The following GNAS-AS1 variants were observed in gnomAD, a reference collection of about 807,000 sequenced individuals.
The protein encoded by GNAS-AS1 is GNAS antisense RNA 1.
At chr20:58,828,951 C>T (rs1379697334) in intron 4 of GNAS-AS1, among the ~76,000 whole-genome samples, 9 of 138,640 alleles carry the variant, frequency 6.5e-5, no homozygotes, top group Non-Finnish European at 1.4e-4. Flanking sequence ...TGGCAGAGCT[C>T]CTGGCCCCAC....
chr20:58,839,321 A>T (rs535998815), intron 4 of GNAS-AS1: 1 of 398,556 alleles, frequency 2.5e-6, no homozygotes, highest in African/African-American at 2.1e-5. Context: ...CAAACTATTA[A>T]GCCATTGGAA....
rs575054931 is a variant in GNAS-AS1, at chr20:58,850,461, G to A, written n.374+69C>T. ...TTTGGGGGTGAGCGCGAGGCCTGACGAAAGCAAACAACCCCTTTGGAGCAC... is the reference window on the plus strand; with the variant it reads ...TTTGGGGGTGAGCGCGAGGCCTGACAAAAGCAAACAACCCCTTTGGAGCAC... On this transcript the variant is annotated intron_variant and non_coding_transcript_variant, in intron 1 of 4. Transcript: ENST00000424094. 9.3e-5 allele frequency: 37 copies of A among 397,896 alleles called. No individual in the cohort carries two copies. The South Asian group carries it at 3.9e-3, about 42-fold the overall frequency. 24.6% of individuals were successfully genotyped at this position (397,896 alleles called of 1,614,324 possible).
chr20:58,828,314 G>A (rs1346638057), intron 4 of GNAS-AS1, among the ~76,000 whole-genome samples: 1 of 152,226 alleles, frequency 6.6e-6, no homozygotes, highest in Non-Finnish European at 1.5e-5. Context: ...AAGTGATCAA[G>A]AAAAGAATGT....
exon 5 of GNAS-AS1, chr20:58,819,112 T>C (rs1568895656): frequency 7.5e-6 from 3 of 398,532 alleles, no homozygotes; most frequent in Admixed American, 8.8e-5. Context: ...CAAACCTTTC[T>C]TTCAGAGGGC....
At chr20:58,820,178 G>A (rs1333677876) in intron 4 of GNAS-AS1, among the ~76,000 whole-genome samples, 1 of 152,228 alleles carries the variant, frequency 6.6e-6, no homozygotes, top group Non-Finnish European at 1.5e-5. Context: ...ATGACCTGGT[G>A]TTTCTGTCGT....
intron 4 of GNAS-AS1, among the ~76,000 whole-genome samples, chr20:58,827,597 C>T (rs936881185): frequency 6.6e-6 from 1 of 152,194 alleles, no homozygotes; most frequent in Non-Finnish European, 1.5e-5. Flanking sequence ...AGGGATGTGA[C>T]TGCTGACTGT....
chr20:58,823,240 T>C (rs2085497723), intron 4 of GNAS-AS1, among the ~76,000 whole-genome samples: 1 of 152,182 alleles, frequency 6.6e-6, no homozygotes, highest in Non-Finnish European at 1.5e-5. Flanking sequence ...TCCCCAGCTG[T>C]TTAAATACCA....
exon 3 of GNAS-AS1, chr20:58,842,454 G>C (rs981458866): frequency 1.3e-5 from 5 of 398,504 alleles, no homozygotes; most frequent in African/African-American, 8.2e-5. Context: ...TTCCTTCCAG[G>C]ACCTATTCCG....
At position 58,840,821 on chromosome 20, in the gene GNAS-AS1, C is replaced by A. The variant is rs79527543; in HGVS notation, n.819+1116G>T. On this transcript the variant is annotated intron_variant and non_coding_transcript_variant, in intron 4 of 4. Coordinates refer to ENST00000424094, the Ensembl canonical transcript of GNAS-AS1. This position sits in a 1 kb window ranked among gnomAD's most constrained non-coding sequence, Gnocchi z 6.0. Reference sequence around the variant, plus strand: ...CCCGGAGTCCCCTTCCAAAAAGGGACCCATCCCCATCCGGCGTCACTAATG... The same window carrying A: ...CCCGGAGTCCCCTTCCAAAAAGGGAACCATCCCCATCCGGCGTCACTAATG... 2.4e-3 allele frequency: 3,846 copies of A among 1,612,766 alleles called. 71 individuals carry two copies. In the African/African-American group the frequency reaches 0.042, roughly 18 times the overall value.
intron 4 of GNAS-AS1, chr20:58,834,014 A>G (rs1020946932): frequency 6.6e-6 from 1 of 152,144 alleles, no homozygotes; most frequent in African/African-American, 2.4e-5. Context: ...GTCTAATCAT[A>G]TTTTGAAGAG....
At position 58,841,898 on chromosome 20, in the gene GNAS-AS1, C is replaced by T; in HGVS notation, n.819+39G>A. 1.6e-6 allele frequency: 2 copies of T among 1,230,454 alleles called. No individual in the cohort carries two copies. Among genetic ancestry groups the T allele is most frequent in the South Asian group, 4.1e-5 (1 of 24,164 alleles). 76.2% of individuals were successfully genotyped at this position (1,230,454 alleles called of 1,614,324 possible). A position where few individuals can be genotyped will look rare whatever the true frequency, so the allele number is the denominator to read the frequency against. On this transcript the variant is annotated intron_variant and non_coding_transcript_variant, in intron 4 of 4. Transcript: ENST00000424094. This position sits in a 1 kb window ranked among gnomAD's most constrained non-coding sequence, Gnocchi z 5.0. ...AAGGTAAAGCGGAACAAGGGACAGG[C>T]TGGAGACGGGGGTCGCGTCTAACAT... is the stretch of plus-strand genomic sequence containing the variant.
chr20:58,819,227 C>CCAGGGACCCTTGGAAGCAGA (rs1487784489), exon 5 of GNAS-AS1: 1 of 398,518 alleles, frequency 2.5e-6, no homozygotes, highest in African/African-American at 2.1e-5. Context: ...GCAGAAGGTT[C>CCAGGGACCCTTGGAAGCAGA]CAGGGACCCT....
At chr20:58,839,516 AGCTTGCC>A (rs1363950846) in intron 4 of GNAS-AS1, 8 of 403,600 alleles carry the variant, frequency 2.0e-5, no homozygotes, top group Non-Finnish European at 3.1e-5. Flanking sequence ...ACCTGGGGCT[AGCTTGCC>A]GCTTGCTCCT....
rs1800903 is a variant in GNAS-AS1 at position 58,840,493 on chromosome 20, T to C, written n.819+1444A>G. ...CCGAGACCGACTTCGAGACCGAGCCTGAGACCGCCCCCACCACTGAGCCCG... is the reference window on the plus strand; with the variant it reads ...CCGAGACCGACTTCGAGACCGAGCCCGAGACCGCCCCCACCACTGAGCCCG... On this transcript the variant is annotated intron_variant and non_coding_transcript_variant, in intron 4 of 4. Coordinates refer to ENST00000424094, the Ensembl canonical transcript of GNAS-AS1. The surrounding 1 kb of genome is among the most constrained non-coding windows in gnomAD (Gnocchi z 6.0). 6 of 1,612,942 alleles carry C rather than the reference T, an allele frequency of 3.7e-6. No individual in the cohort carries two copies. The South Asian group carries it at 5.5e-5, about 15-fold the overall frequency.
intron 3 of GNAS-AS1, chr20:58,842,300 G>T (rs1326257691): frequency 1.8e-5 from 7 of 397,736 alleles, no homozygotes. Flanking sequence ...TGGTGTGCGT[G>T]TCTCATTTTG....
chr20:58,849,718 C>T (rs1156753141), intron 1 of GNAS-AS1, among the ~76,000 whole-genome samples: 1 of 152,226 alleles, frequency 6.6e-6, no homozygotes, highest in Non-Finnish European at 1.5e-5. Flanking sequence ...AAGAGCTGCT[C>T]CAGGAGGATC....
intron 4 of GNAS-AS1, among the ~76,000 whole-genome samples, chr20:58,824,921 G>A (rs1475443643): frequency 6.6e-6 from 1 of 152,200 alleles, no homozygotes; most frequent in Non-Finnish European, 1.5e-5. Context: ...GAGGTGAGTG[G>A]ATGGGTTCTG....
At position 58,841,363 on chromosome 20, in the gene GNAS-AS1, C is replaced by G; in HGVS notation, n.819+574G>C. ...TGAGAGCAGCCGCGCTGTAGAGACA[C>G]CGTTGAAATGTGCGGAAAGTAATCT... On this transcript the variant is annotated intron_variant and non_coding_transcript_variant, in intron 4 of 4. Transcript: ENST00000424094. The surrounding 1 kb of genome is among the most constrained non-coding windows in gnomAD (Gnocchi z 5.0). 1 of 1,029,888 alleles carries G rather than the reference C, an allele frequency of 9.7e-7. No homozygotes were observed. Among genetic ancestry groups the G allele is most frequent in the Non-Finnish European group, 1.2e-6 (1 of 857,138 alleles). 63.8% of individuals were successfully genotyped at this position (1,029,888 alleles called of 1,614,324 possible).
At chr20:58,846,651 G>A (rs112114581) in intron 2 of GNAS-AS1, among the ~76,000 whole-genome samples, 3 of 152,214 alleles carry the variant, frequency 2.0e-5, no homozygotes, top group Admixed American at 6.5e-5. Flanking sequence ...GCCAAAGACC[G>A]GCAGCCAGCA....
Sources: allele counts gnomAD v4.1 joint callset (sites outside exome capture counted in the v4.1 genomes callset), GRCh38; gene constraint gnomAD v4.1.1; non-coding constraint Gnocchi (gnomAD v3.1); transcripts MANE v1.5; gene names NCBI Gene and HGNC (gene_info 2026-07-23, HGNC 2026-07-21).